Variants in KIF1A observed in about 807,000 individuals in gnomAD.
KIF1A encodes the protein kinesin-like protein KIF1A.
Under a neutral mutation model 227.3 loss-of-function variants are expected in KIF1A, and 46 were observed. The ratio of observed to expected loss-of-function variants is 0.20; its 90% CI spans 0.16 to 0.26. The LOEUF is 0.26. Among genes scored for constraint, KIF1A ranks in the 10% least tolerant of loss-of-function variants. The probability of loss-of-function intolerance (pLI) is 1.00; values close to 1 mark genes in which losing one functional copy is unlikely to be tolerated. For missense variants in KIF1A, 1,683 were observed against 2,485.9 expected (o/e 0.68, Z 6.87); for synonymous variants, 1,022 against 1,012.8 (o/e 1.01, Z -0.17).
In KIF1A at chr2:240,789,416, C is replaced by G; in HGVS notation, c.107-104G>C. 3 of 910,840 alleles carry G rather than the reference C, an allele frequency of 3.3e-6. No homozygotes were observed. The highest frequency in any genetic ancestry group is 5.3e-6 in the Non-Finnish European group (3 of 563,656). The allele number at this position is 910,840 out of a possible 1,614,324, so 56.4% of individuals were successfully genotyped here. ...AGATGGTCTTAAGAGGCCTCGGGCC[C>G]CAGACAAGCCAGGCCCCCAAATTGG... On this transcript the variant is annotated intron_variant, in intron 2 of 48. Coordinates refer to ENST00000498729, the MANE Select transcript of KIF1A (RefSeq NM_001244008.2). The surrounding 1 kb of genome is among the most constrained non-coding windows in gnomAD (Gnocchi z 4.8).
intron 15 of KIF1A, 149 bp downstream of exon 15, chr2:240,770,822 G>C (rs2051860029): frequency 1.1e-6 from 1 of 940,722 alleles, no homozygotes; most frequent in South Asian, 1.8e-5. Context: ...CTGGGCACCT[G>C]GGTGGCCACA....
At chr2:240,742,692 T>C (rs988424320) in intron 34 of KIF1A, among the ~76,000 whole-genome samples, 2 of 152,058 alleles carry the variant, frequency 1.3e-5, no homozygotes, top group South Asian at 2.1e-4. Context: ...CTTGCTGCCT[T>C]CCTTCCTTGG....
chr2:240,795,619 C>T (rs1303938914), intron 2 of KIF1A, among the ~76,000 whole-genome samples: 1 of 152,218 alleles, frequency 6.6e-6, no homozygotes, highest in South Asian at 2.1e-4. Context: ...CGCTGGCTCA[C>T]CTCCAGGCTG....
At position 240,737,135 on chromosome 2, in the gene KIF1A, G is replaced by T. The variant is rs375758374; in HGVS notation, c.3935C>A (p.Ser1312Tyr). Residue 1312 changes from serine (S) to tyrosine (Y), a missense_variant, in exon 38 of 49, where the codon TCC becomes TAC. Around this residue, in one of 12 missense-constraint regions of KIF1A, gnomAD observed 759 missense variants for 1,020.2 expected, o/e 0.74. Coordinates refer to ENST00000498729, the MANE Select transcript of KIF1A (RefSeq NM_001244008.2). ...AGACAAGATGTTGGGGTCGATCAGG[G>T]ACTCGTCGGTCTCTGGAGTGTTTCG... ...RIRNTPETDESLIDPNILSLN... is the reference protein window; with the variant it reads ...RIRNTPETDEYLIDPNILSLN... The T allele has an allele frequency of 2.6e-5, 42 of 1,613,614 alleles. No individual in the cohort carries two copies. The highest frequency in any genetic ancestry group is 3.4e-5 in the Non-Finnish European group (40 of 1,179,734).
chr2:240,720,733 A>G, intron 45 of KIF1A, 181 bp downstream of exon 45: 1 of 615,540 alleles, frequency 1.6e-6, no homozygotes, highest in Non-Finnish European at 2.7e-6. Flanking sequence ...GGCGGGGCAC[A>G]GGCACCCTCT....
At position 240,786,378 on chromosome 2, in the gene KIF1A, A is replaced by T; in HGVS notation, c.565T>A (p.Tyr189Asn). Residue 189 changes from tyrosine (Y) to asparagine (N), a missense_variant, in exon 6 of 49, where the codon TAC becomes AAC. Tyr to Asn is a moderately radical substitution (Grantham distance 143, BLOSUM62 -2). This residue lies in a region of KIF1A where 75 missense variants were observed against 131.2 expected (regional missense o/e 0.57). Coordinates refer to ENST00000498729, the MANE Select transcript of KIF1A (RefSeq NM_001244008.2). ...TCCATGAGGTCCTGGATGTCATTGT[A>T]GGAGGTGACAGCCAGCTTGGAGAGG... is the stretch of plus-strand genomic sequence containing the variant. ...EDLSKLAVTSYNDIQDLMDSG... is the reference protein window; with the variant it reads ...EDLSKLAVTSNNDIQDLMDSG... 1 of 1,613,648 alleles carries T rather than the reference A, an allele frequency of 6.2e-7. No individual in the cohort carries two copies. Among genetic ancestry groups the T allele is most frequent in the Non-Finnish European group, 8.5e-7 (1 of 1,179,778 alleles).
At position 240,766,749 on chromosome 2, in the gene KIF1A, T is replaced by TCTCACACACACACACACACACACA. The variant is rs1454271542; in HGVS notation, c.1684+165_1684+166insTGTGTGTGTGTGTGTGTGTGTGAG. ...CTCTCTCTCTCTCTCTCTCTCTCTC[T>TCTCACACACACACACACACACACA]CACACACACACACACACACACACAC... On this transcript the variant is annotated intron_variant, in intron 19 of 48. Coordinates refer to ENST00000498729, the MANE Select transcript of KIF1A (RefSeq NM_001244008.2). This position sits in a 1 kb window ranked among gnomAD's most constrained non-coding sequence, Gnocchi z 5.0. Among the ~76,000 whole-genome samples, 4 of 108,974 alleles carry TCTCACACACACACACACACACACA rather than the reference T, an allele frequency of 3.7e-5. No individual in the cohort carries two copies. The highest frequency in any genetic ancestry group is 1.2e-4 in the African/African-American group (3 of 24,112). The allele number at this position is 108,974 out of a possible 152,430, so 71.5% of individuals were successfully genotyped here.
At chr2:240,782,144 C>A (rs1310002722) in intron 10 of KIF1A, 2 of 985,306 alleles carry the variant, frequency 2.0e-6, no homozygotes, top group Middle Eastern at 5.2e-4. Context: ...GTGGCGCGCT[C>A]CGCGGCACCT....
rs767242937 is a variant in KIF1A at position 240,757,372 on chromosome 2, G to A, written c.2805C>T (p.Cys935=). 1.0e-5 allele frequency: 16 copies of A among 1,550,660 alleles called. No individual in the cohort carries two copies. Among genetic ancestry groups the A allele is most frequent in the Non-Finnish European group, 1.2e-5 (14 of 1,147,042 alleles). Residue 935 remains cysteine (C), a synonymous_variant, in exon 27 of 49, where the codon TGC becomes TGT. Transcript: ENST00000498729. This position sits in a 1 kb window ranked among gnomAD's most constrained non-coding sequence, Gnocchi z 6.2. ...EDDVFPEHAL[C]DGRDPFYDRP... is the part of the protein sequence containing the mutation. ...GGTCGTAAAACGGGTCCCGGCCGTC[G>A]CACAGCGCGTGCTCCGGAAAGACGT...
chr2:240,741,235 C>T, intron 35 of KIF1A, 34 bp downstream of exon 35: 2 of 1,458,176 alleles, frequency 1.4e-6, no homozygotes, highest in Non-Finnish European at 1.9e-6. Flanking sequence ...CCGACACACA[C>T]TCACGCCCTG....
At chr2:240,742,535 C>A (rs2048100189) in intron 34 of KIF1A, among the ~76,000 whole-genome samples, 1 of 152,204 alleles carries the variant, frequency 6.6e-6, no homozygotes, top group Non-Finnish European at 1.5e-5. Flanking sequence ...CTGACAAATA[C>A]TTCTCCCCGA....
rs2050109464 is a variant in KIF1A at position 240,758,305 on chromosome 2, T to C, written c.2582+55A>G. 1 of 1,570,256 alleles carries C rather than the reference T, an allele frequency of 6.4e-7. No individual in the cohort carries two copies. The highest frequency in any genetic ancestry group is 1.2e-5 in the South Asian group (1 of 83,278). On this transcript the variant is annotated intron_variant, in intron 26 of 48. Transcript: ENST00000498729. The surrounding 1 kb of genome is among the most constrained non-coding windows in gnomAD (Gnocchi z 5.2). ...GGCCAGGGCCCACTCCTACCCCCAC[T>C]GCCATCTCTCTCTCTCAATCTCTCT...
rs948447721 is a variant in KIF1A at position 240,739,946 on chromosome 2, A to T, written c.3901+112T>A. 1.1e-4 allele frequency: 81 copies of T among 770,646 alleles called. No homozygotes were observed. The highest frequency in any genetic ancestry group is 9.1e-5 in the Non-Finnish European group (41 of 452,306). The allele number at this position is 770,646 out of a possible 1,614,324, so 47.7% of individuals were successfully genotyped here. ...GAGATTATGTGACCCGGCCAGGGTC[A>T]CGCAGCAACAGACGCAGAGGTGTGG... is the stretch of plus-strand genomic sequence containing the variant. On this transcript the variant is annotated intron_variant, in intron 37 of 48. Transcript: ENST00000498729. The surrounding 1 kb of genome is among the most constrained non-coding windows in gnomAD (Gnocchi z 5.6).
intron 47 of KIF1A, among the ~76,000 whole-genome samples, chr2:240,718,375 A>T (rs1490287651): frequency 6.6e-6 from 1 of 151,956 alleles, no homozygotes; most frequent in African/African-American, 2.4e-5. Flanking sequence ...GTCCCAGGAC[A>T]CCCTCACCAC....
chr2:240,771,228 A>T, intron 14 of KIF1A, 124 bp from the exon 15 acceptor site: 1 of 1,165,370 alleles, frequency 8.6e-7, no homozygotes. Flanking sequence ...GGAGGGAGAG[A>T]AAAAAGATGA....
rs1199597953 is a variant in KIF1A at position 240,763,378 on chromosome 2, G to A, written c.1769-32C>T. 7 of 1,539,644 alleles carry A rather than the reference G, an allele frequency of 4.5e-6. No individual in the cohort carries two copies. The South Asian group carries it at 8.5e-5, about 19-fold the overall frequency. ...AACAGAGGGACAGGTGGCCTTGAGGGATGGGGATCTTCAGGTCCCTGATGG... is the reference window on the plus strand; with the variant it reads ...AACAGAGGGACAGGTGGCCTTGAGGAATGGGGATCTTCAGGTCCCTGATGG... On this transcript the variant is annotated intron_variant, in intron 20 of 48. Transcript: ENST00000498729.
chr2:240,743,967 G>A lies in KIF1A; in HGVS notation c.3559C>T (p.Pro1187Ser). The change falls in exon 33 of 49, where the codon CCG (proline) becomes TCG (serine). Residue 1187 changes from proline to serine, a missense_variant. Physicochemically the swap from Pro to Ser is moderately conservative, Grantham distance 74. This residue lies in a region of KIF1A where 759 missense variants were observed against 1,020.2 expected (regional missense o/e 0.74). Coordinates refer to ENST00000498729, the MANE Select transcript of KIF1A (RefSeq NM_001244008.2). Reference sequence around the variant, plus strand: ...CTGAGCACGTCCTTGCAGAGGGGCGGGAACGGGTGCTGCTGGTAGTGGCCA... The same window carrying A: ...CTGAGCACGTCCTTGCAGAGGGGCGAGAACGGGTGCTGCTGGTAGTGGCCA... The part of the protein sequence containing the change: ...VFGHYQQHPF[P>S]PLCKDVLSPL... 1 of 1,613,556 alleles carries A rather than the reference G, an allele frequency of 6.2e-7. No individual in the cohort carries two copies. Among genetic ancestry groups the A allele is most frequent in the Non-Finnish European group, 8.5e-7 (1 of 1,179,670 alleles).
intron 38 of KIF1A, 112 bp from the exon 39 acceptor site, chr2:240,727,052 G>A (rs1358603396): frequency 2.1e-5 from 13 of 624,266 alleles, no homozygotes; most frequent in Admixed American, 5.6e-5. Context: ...GCAAGGGAGC[G>A]GCTGGGGGCA....
At position 240,786,499 on chromosome 2, in the gene KIF1A, C is replaced by T. The variant is rs2054763570; in HGVS notation, c.444G>A (p.Glu148=). Residue 148 remains glutamate (E), a synonymous_variant, in exon 6 of 49, where the codon GAG becomes GAA. Coordinates refer to ENST00000498729, the MANE Select transcript of KIF1A (RefSeq NM_001244008.2). ...MSYSVEVSYM[E]IYCERVRDLL... ...GGTCACGGACGCGCTCACAGTAAAT[C>T]TCCATGTAGCTGACCTGCAGGGCAG... 6.2e-7 allele frequency: 1 copy of T among 1,613,224 alleles called. No individual in the cohort carries two copies. The highest frequency in any genetic ancestry group is 1.7e-5 in the Admixed American group (1 of 60,006).
Sources: allele counts gnomAD v4.1 joint callset (sites outside exome capture counted in the v4.1 genomes callset), GRCh38; gene constraint gnomAD v4.1.1; regional missense constraint gnomAD v4.1.1; non-coding constraint Gnocchi (gnomAD v3.1); transcripts MANE v1.5; gene names NCBI Gene and HGNC (gene_info 2026-07-23, HGNC 2026-07-21).